Variants in SLC25A48 observed in about 807,000 individuals in gnomAD.
SLC25A48 encodes solute carrier family 25 member 48.
A neutral mutation model predicts 32.2 loss-of-function variants in SLC25A48; 29 were observed. That is an observed-to-expected ratio of 0.90 (90% CI 0.67 to 1.23). The LOEUF (loss-of-function observed/expected upper bound fraction) is 1.23. Ranked by LOEUF, SLC25A48 falls within the 50% of genes most tolerant of loss-of-function variation. The pLI is 0.00. For synonymous variants in SLC25A48, 164 were observed against 172.3 expected (o/e 0.95, Z 0.38); for missense variants, 399 against 422.7 (o/e 0.94, Z 0.49).
upstream of SLC25A48, among the ~76,000 whole-genome samples, chr5:135,832,830 C>A (rs78189180): frequency 0.01 from 1,541 of 152,284 alleles, 9 homozygotes; most frequent in Non-Finnish European, 0.015. Context: ...GGGGAAGGAA[C>A]TGAGGGAGAA....
intron 4 of SLC25A48, among the ~76,000 whole-genome samples, chr5:135,863,228 A>G (rs937927830): frequency 2.0e-5 from 3 of 152,220 alleles, no homozygotes; most frequent in Non-Finnish European, 4.4e-5. Flanking sequence ...GGAATTAAGT[A>G]GCAAATGAAA....
chr5:135,769,606 C>A (rs959343585), intron 3 of SLC25A48, among the ~76,000 whole-genome samples: 9 of 151,502 alleles, frequency 5.9e-5, no homozygotes, highest in East Asian at 5.8e-4. Context: ...GATGTACAAC[C>A]CCCTGTGATA....
chr5:135,776,610 C>T (rs1009253094), intron 3 of SLC25A48, among the ~76,000 whole-genome samples: 10 of 151,534 alleles, frequency 6.6e-5, no homozygotes, highest in South Asian at 2.1e-4. Context: ...CTCCTAATAT[C>T]GCAGGGGATA....
At chr5:135,661,742 C>A (rs2126934900) in intron 3 of SLC25A48, among the ~76,000 whole-genome samples, 1 of 152,310 alleles carries the variant, frequency 6.6e-6, no homozygotes, top group East Asian at 1.9e-4. Context: ...CATTGCCTCA[C>A]TACTTCAACT....
intron 4 of SLC25A48, among the ~76,000 whole-genome samples, chr5:135,858,951 A>G (rs1760559173): frequency 6.6e-6 from 1 of 152,110 alleles, no homozygotes; most frequent in Non-Finnish European, 1.5e-5. Flanking sequence ...GACAGGATCA[A>G]CTACTGGAGA....
intron 3 of SLC25A48, among the ~76,000 whole-genome samples, chr5:135,638,029 G>A (rs1183833848): frequency 1.3e-5 from 2 of 152,192 alleles, no homozygotes; most frequent in African/African-American, 2.4e-5. Context: ...GCATTGTGCA[G>A]TTACTGTCAG....
At chr5:135,608,457 A>G (rs6858990) in intron 1 of SLC25A48, among the ~76,000 whole-genome samples, 62,048 of 152,040 alleles carry the variant, frequency 0.41, 12,956 homozygotes, top group African/African-American at 0.51. Flanking sequence ...CTCCATGAGC[A>G]ATGACTCTGC....
upstream of SLC25A48, among the ~76,000 whole-genome samples, chr5:135,830,125 C>T (rs895655988): frequency 7.2e-5 from 11 of 152,190 alleles, no homozygotes; most frequent in African/African-American, 2.4e-4. Context: ...CCCTCTGAGC[C>T]TCCTGGGCCA....
At chr5:135,609,135 G>C (rs570469662) in intron 1 of SLC25A48, among the ~76,000 whole-genome samples, 1 of 152,302 alleles carries the variant, frequency 6.6e-6, no homozygotes, top group Non-Finnish European at 1.5e-5. Flanking sequence ...GGCTAGTTGT[G>C]CTTCTTCCCC....
At chr5:135,753,865 G>A (rs930111671) in intron 3 of SLC25A48, among the ~76,000 whole-genome samples, 1 of 151,984 alleles carries the variant, frequency 6.6e-6, no homozygotes, top group Non-Finnish European at 1.5e-5. Context: ...TACACCCACT[G>A]TGATATTAGC....
intron 3 of SLC25A48, among the ~76,000 whole-genome samples, chr5:135,772,556 G>A (rs1756441692): frequency 6.6e-6 from 1 of 151,576 alleles, no homozygotes; most frequent in African/African-American, 2.4e-5. Flanking sequence ...CAACATCAAG[G>A]GGTGAGATGA....
At chr5:135,886,370 T>C (rs27346) in intron 7 of SLC25A48, among the ~76,000 whole-genome samples, 143,043 of 146,264 alleles carry the variant, frequency 0.98, 69,969 homozygotes, top group Middle Eastern at 1. Flanking sequence ...TCACTCCCAC[T>C]CAGGAGCACC....
intron 3 of SLC25A48, among the ~76,000 whole-genome samples, chr5:135,851,028 A>G (rs755754066): frequency 1.2e-4 from 19 of 152,194 alleles, no homozygotes; most frequent in South Asian, 2.1e-4. Context: ...TGCTTCAGGA[A>G]AACTTTCTGA....
chr5:135,587,783 T>G (rs1166207498), intron 1 of SLC25A48, among the ~76,000 whole-genome samples: 1 of 152,210 alleles, frequency 6.6e-6, no homozygotes, highest in Non-Finnish European at 1.5e-5. Context: ...AGAATTGTCA[T>G]AAACAGCTCC....
At chr5:135,818,438 T>A (rs1306837978) in intron 4 of SLC25A48, among the ~76,000 whole-genome samples, 1 of 152,206 alleles carries the variant, frequency 6.6e-6, no homozygotes, top group African/African-American at 2.4e-5. Context: ...ATTTAAACCA[T>A]GTGCACACAT....
intron 4 of SLC25A48, among the ~76,000 whole-genome samples, chr5:135,867,297 T>C (rs943543649): frequency 2.0e-5 from 3 of 152,178 alleles, no homozygotes; most frequent in Non-Finnish European, 2.9e-5. Flanking sequence ...CTCGTAGTCT[T>C]CCTCAGGTTC....
chr5:135,840,794 A>G (rs533048725), intron 1 of SLC25A48, among the ~76,000 whole-genome samples: 3 of 152,252 alleles, frequency 2.0e-5, no homozygotes, highest in Admixed American at 2.0e-4. Context: ...AATATCCCAC[A>G]TTTTGTTTAT....
intron 4 of SLC25A48, among the ~76,000 whole-genome samples, chr5:135,814,000 G>T (rs1757652791): frequency 6.6e-6 from 1 of 152,210 alleles, no homozygotes; most frequent in Admixed American, 6.5e-5. Context: ...GTCACTCCAG[G>T]AAAGGAAACA....
At chr5:135,799,326 G>C (rs766341715) in intron 3 of SLC25A48, among the ~76,000 whole-genome samples, 3 of 151,572 alleles carry the variant, frequency 2.0e-5, no homozygotes, top group Non-Finnish European at 2.9e-5. Flanking sequence ...CTGTGATATT[G>C]TTCTCTATAT....
Sources: allele counts gnomAD v4.1 joint callset (sites outside exome capture counted in the v4.1 genomes callset), GRCh38; gene constraint gnomAD v4.1.1; transcripts MANE v1.5; gene names NCBI Gene and HGNC (gene_info 2026-07-23, HGNC 2026-07-21).